The following WWOX variants were observed in gnomAD, a reference collection of about 807,000 sequenced individuals.
The protein encoded by WWOX is WW domain containing oxidoreductase, also known as WW domain-containing oxidoreductase.
In WWOX, 69 loss-of-function variants were observed where a neutral mutation model predicts 46.2. The ratio of observed to expected loss-of-function variants is 1.49; its 90% CI spans 1.23 to 1.82. The LOEUF is 1.82. Among genes scored for constraint, WWOX ranks in the 40% most tolerant of loss-of-function variants. WWOX has a pLI of 0.00. For synonymous variants in WWOX, 359 were observed against 202.6 expected (o/e 1.77, Z -6.56); for missense variants, 919 against 542.6 (o/e 1.69, Z -6.89).
At chr16:79,122,619 A>G (rs930050041) in intron 8 of WWOX, among the ~76,000 whole-genome samples, 27 of 143,020 alleles carry the variant, frequency 1.9e-4, no homozygotes, top group African/African-American at 5.8e-4. Context: ...CATACTCTCT[A>G]CTTTTCTTCT....
At chr16:78,753,066 G>A (rs996994338) in intron 8 of WWOX, among the ~76,000 whole-genome samples, 2 of 151,956 alleles carry the variant, frequency 1.3e-5, no homozygotes, top group Admixed American at 6.6e-5. Context: ...AGGCCGAGGC[G>A]GGTGGATCAC....
chr16:78,923,796 T>TTG (rs1491229349), intron 8 of WWOX, among the ~76,000 whole-genome samples: 3 of 45,054 alleles, frequency 6.7e-5, no homozygotes, highest in Non-Finnish European at 5.9e-5. Context: ...TTTAGTTAGT[T>TTG]TTTTTTTTTT....
At position 78,907,023 on chromosome 16, in the gene WWOX, A is replaced by G. The variant is rs184273428; in HGVS notation, c.1057-304585A>G. 3.4e-4 allele frequency among the ~76,000 whole-genome samples: 51 copies of G among 151,890 alleles called. 1 individual carries two copies. The East Asian group carries it at 9.5e-3, about 28-fold the overall frequency. The stretch of plus-strand genomic sequence containing the variant: ...AAAGCCGATTTATCTAGACAGGGGA[A>G]TTGCAATAGGGAAAGAGTTTAATGT... On this transcript the variant is annotated intron_variant, in intron 8 of 8. Coordinates refer to ENST00000566780, the MANE Select transcript of WWOX (RefSeq NM_016373.4).
intron 8 of WWOX, among the ~76,000 whole-genome samples, chr16:78,775,888 G>A (rs771297996): frequency 6.6e-6 from 1 of 152,172 alleles, no homozygotes; most frequent in Non-Finnish European, 1.5e-5. Context: ...TATATCATGA[G>A]CCCCTGTAAG....
chr16:78,339,450 A>G (rs2080966038), intron 5 of WWOX, among the ~76,000 whole-genome samples: 1 of 118,326 alleles, frequency 8.5e-6, no homozygotes, highest in African/African-American at 2.9e-5. Context: ...GTGCACAGGA[A>G]TACTTGGTGA....
intron 8 of WWOX, among the ~76,000 whole-genome samples, chr16:78,813,114 G>A (rs932433934): frequency 1.4e-5 from 2 of 148,128 alleles, no homozygotes; most frequent in Non-Finnish European, 3.0e-5. Context: ...TTGTATACAC[G>A]TTGTTCTATA....
chr16:78,832,295 C>T (rs2051850668), intron 8 of WWOX, among the ~76,000 whole-genome samples: 1 of 152,202 alleles, frequency 6.6e-6, no homozygotes, highest in Admixed American at 6.5e-5. Context: ...CACAATATGT[C>T]ATCTGGTCTC....
At chr16:78,348,816 T>C (rs9931244) in intron 5 of WWOX, among the ~76,000 whole-genome samples, 19,542 of 119,518 alleles carry the variant, frequency 0.16, 6,300 homozygotes, top group Non-Finnish European at 0.22. Context: ...ATAAGCAAAA[T>C]ACAAGAGAAA....
At chr16:78,472,803 C>G (rs965407695) in intron 8 of WWOX, among the ~76,000 whole-genome samples, 2 of 113,504 alleles carry the variant, frequency 1.8e-5, no homozygotes, top group Non-Finnish European at 1.7e-5. Flanking sequence ...GAGTGAAACT[C>G]CATCTCAAAA....
At chr16:79,182,688 C>G (rs918259848) in intron 8 of WWOX, among the ~76,000 whole-genome samples, 5 of 152,158 alleles carry the variant, frequency 3.3e-5, no homozygotes, top group Non-Finnish European at 7.3e-5. Flanking sequence ...AAGTTATTAA[C>G]CTCTTTATGC....
At chr16:78,859,892 G>C (rs970190494) in intron 8 of WWOX, among the ~76,000 whole-genome samples, 5 of 152,098 alleles carry the variant, frequency 3.3e-5, no homozygotes, top group Admixed American at 1.3e-4. Flanking sequence ...CTTATAAACA[G>C]GTGGTTTCCA....
chr16:78,684,722 C>G (rs2047815372), intron 8 of WWOX, among the ~76,000 whole-genome samples: 1 of 152,148 alleles, frequency 6.6e-6, no homozygotes, highest in Admixed American at 6.5e-5. Context: ...CTGCTTTAAA[C>G]TCTACTTTTT....
intron 8 of WWOX, among the ~76,000 whole-genome samples, chr16:78,775,724 G>T (rs1431640096): frequency 6.6e-6 from 1 of 152,082 alleles, no homozygotes; most frequent in East Asian, 1.9e-4. Flanking sequence ...TTCAATGGTG[G>T]GTATTATTAT....
intron 8 of WWOX, among the ~76,000 whole-genome samples, chr16:79,073,583 C>T (rs1215912953): frequency 6.6e-6 from 1 of 152,166 alleles, no homozygotes; most frequent in African/African-American, 2.4e-5. Flanking sequence ...ATCAGTGTTG[C>T]AGACACTGCT....
intron 8 of WWOX, among the ~76,000 whole-genome samples, chr16:78,877,165 C>T (rs761016786): frequency 2.4e-4 from 36 of 152,122 alleles, no homozygotes; most frequent in Non-Finnish European, 4.6e-4. Flanking sequence ...AGGAAGGAAA[C>T]GAGAAAAGTT....
At chr16:78,861,594 A>G (rs1466129079) in intron 8 of WWOX, among the ~76,000 whole-genome samples, 2 of 152,220 alleles carry the variant, frequency 1.3e-5, no homozygotes, top group East Asian at 1.9e-4. Context: ...TTAAAAAATG[A>G]TAATTACAGT....
chr16:79,000,613 G>T (rs2047074479), intron 8 of WWOX, among the ~76,000 whole-genome samples: 2 of 152,188 alleles, frequency 1.3e-5, no homozygotes, highest in African/African-American at 4.8e-5. Flanking sequence ...CAAGGAAAGA[G>T]ATTCTCTCCC....
chr16:78,558,070 A>G lies in WWOX; in HGVS notation c.1056+125318A>G, dbSNP rs2044349568. Among the ~76,000 whole-genome samples the G allele has an allele frequency of 1.3e-5, 2 of 152,110 alleles. 1 individual carries two copies. Among genetic ancestry groups the G allele is most frequent in the Admixed American group, 1.3e-4 (2 of 15,270 alleles). ...GAGCATTTGTTGACTAACTTAGGTCACAGATGTGGGGCTGTGATTCTGAAG... is the reference window on the plus strand; with the variant it reads ...GAGCATTTGTTGACTAACTTAGGTCGCAGATGTGGGGCTGTGATTCTGAAG... On this transcript the variant is annotated intron_variant, in intron 8 of 8. Coordinates refer to ENST00000566780, the MANE Select transcript of WWOX (RefSeq NM_016373.4).
intron 5 of WWOX, among the ~76,000 whole-genome samples, chr16:78,239,355 G>A (rs879688651): frequency 5.9e-5 from 9 of 152,078 alleles, no homozygotes; most frequent in African/African-American, 1.7e-4. Flanking sequence ...TCCCATCCCC[G>A]TGAGGAAGGA....
Sources: gnomAD v4.1 joint callset for allele counts (sites outside exome capture counted in the v4.1 genomes callset) on GRCh38, gnomAD v4.1.1 for gene constraint, MANE v1.5 for transcripts, NCBI Gene and HGNC (gene_info 2026-07-23, HGNC 2026-07-21) for gene names.